Variants in EYA1 observed in about 807,000 individuals in gnomAD.
EYA1 encodes EYA transcriptional coactivator and phosphatase 1, also known as protein phosphatase EYA1.
A neutral mutation model predicts 82.0 loss-of-function variants in EYA1; 16 were observed. The ratio of observed to expected loss-of-function variants is 0.20; its 90% CI spans 0.13 to 0.30. The LOEUF (loss-of-function observed/expected upper bound fraction) is 0.30, where lower values mean the gene tolerates loss of function less well. Among genes scored for constraint, EYA1 ranks in the 10% least tolerant of loss-of-function variants. The pLI, the probability that EYA1 is intolerant of heterozygous loss-of-function variation, is 1.00. For missense variants in EYA1, 633 were observed against 730.7 expected (o/e 0.87, Z 1.54); for synonymous variants, 261 against 264.4 (o/e 0.99, Z 0.12).
chr8:71,423,241 A>G (rs764916408), intron 2 of EYA1, among the ~76,000 whole-genome samples: 3 of 152,194 alleles, frequency 2.0e-5, no homozygotes, highest in Non-Finnish European at 2.9e-5. Context: ...AACATTCTCA[A>G]AGATTGAATG....
intron 2 of EYA1, among the ~76,000 whole-genome samples, chr8:71,369,202 C>CA (rs368382614): frequency 0.075 from 4,204 of 56,388 alleles, 184 homozygotes; most frequent in African/African-American, 0.11. Flanking sequence ...GACTCCGTCT[C>CA]AAAAAAAAAA....
intron 2 of EYA1, among the ~76,000 whole-genome samples, chr8:71,474,456 T>C (rs1172993530): frequency 1.3e-5 from 2 of 152,290 alleles, no homozygotes; most frequent in East Asian, 3.9e-4. Flanking sequence ...TACTCAGCCA[T>C]CCCACAACAG....
chr8:71,419,131 G>T (rs1302754776), intron 2 of EYA1, among the ~76,000 whole-genome samples: 2 of 151,956 alleles, frequency 1.3e-5, no homozygotes, highest in African/African-American at 4.8e-5. Context: ...ATATTGGAGG[G>T]TTTGAGCAGA....
At chr8:71,252,396 T>G (rs963713394) in intron 11 of EYA1, among the ~76,000 whole-genome samples, 1 of 152,088 alleles carries the variant, frequency 6.6e-6, no homozygotes, top group Admixed American at 6.5e-5. Flanking sequence ...ACTCAATCTC[T>G]GCAGCACTAC....
intron 2 of EYA1, among the ~76,000 whole-genome samples, chr8:71,446,996 CA>C (rs2129175492): frequency 6.6e-6 from 1 of 151,724 alleles, no homozygotes; most frequent in Non-Finnish European, 1.5e-5. Flanking sequence ...ATATGTCCAG[CA>C]AAACTAAAAA....
intron 3 of EYA1, among the ~76,000 whole-genome samples, chr8:71,342,111 T>C (rs1416589991): frequency 6.6e-6 from 1 of 152,148 alleles, no homozygotes; most frequent in Non-Finnish European, 1.5e-5. Flanking sequence ...TCCATACTAA[T>C]GCTCATCTCT....
chr8:71,214,798 G>A (rs1808972477), intron 16 of EYA1, among the ~76,000 whole-genome samples: 1 of 152,126 alleles, frequency 6.6e-6, no homozygotes, highest in African/African-American at 2.4e-5. Context: ...TCATGTAACT[G>A]TCTGCTTCCC....
chr8:71,475,901 T>C lies in EYA1; in HGVS notation c.33+59843A>G, dbSNP rs189047547. 2.9e-3 allele frequency among the ~76,000 whole-genome samples: 439 copies of C among 152,336 alleles called. 1 individual carries two copies. Among genetic ancestry groups the C allele is most frequent in the Admixed American group, 6.1e-3 (93 of 15,298 alleles). On this transcript the variant is annotated intron_variant, in intron 2 of 18. Coordinates refer to the EYA1 transcript ENST00000643681. ...AACTAATAATTCTTGAAGACATTTT[T>C]AGTTATCACTAAATACACTCCTTAA...
chr8:71,398,096 G>T (rs1017680204), intron 2 of EYA1, among the ~76,000 whole-genome samples: 1 of 152,000 alleles, frequency 6.6e-6, no homozygotes, highest in Non-Finnish European at 1.5e-5. Flanking sequence ...ACTTATGCTT[G>T]TGCATGTGTC....
intron 9 of EYA1, among the ~76,000 whole-genome samples, chr8:71,291,938 T>C (rs1221375252): frequency 1.3e-5 from 2 of 152,128 alleles, no homozygotes; most frequent in African/African-American, 4.8e-5. Context: ...TTATGAGATA[T>C]TCTAAGAGAT....
At chr8:71,450,733 C>A (rs920097392) in intron 2 of EYA1, among the ~76,000 whole-genome samples, 2 of 152,006 alleles carry the variant, frequency 1.3e-5, no homozygotes, top group African/African-American at 2.4e-5. Flanking sequence ...AAAGCAGGTG[C>A]AATAAAATGA....
At chr8:71,517,602 A>G (rs1319169908) in intron 2 of EYA1, among the ~76,000 whole-genome samples, 1 of 151,572 alleles carries the variant, frequency 6.6e-6, no homozygotes, top group Non-Finnish European at 1.5e-5. Context: ...TAAAGTGAAT[A>G]CATTTGCTTC....
chr8:71,350,637 T>C (rs1329456930), intron 3 of EYA1, among the ~76,000 whole-genome samples: 1 of 152,132 alleles, frequency 6.6e-6, no homozygotes, highest in Non-Finnish European at 1.5e-5. Context: ...ATCTATCAGT[T>C]TCAAGACAAG....
Position 71,362,031 on chromosome 8 carries a change from T to C in EYA1, c.-439A>G, listed in dbSNP as rs1171656203. On this transcript the variant is annotated 5_prime_UTR_variant, in exon 1 of 18. Transcript: ENST00000340726. ...TTGGTAACAGCTTTGCGCCCAGCGC[T>C]CCTTCCCCACCAAACAGCAGCGGCA... The C allele has an allele frequency of 1.0e-5, 10 of 985,284 alleles. No homozygotes were observed. Among genetic ancestry groups the C allele is most frequent in the Non-Finnish European group, 1.1e-5 (9 of 830,000 alleles). The allele number at this position is 985,284 out of a possible 1,614,324, so 61.0% of individuals were successfully genotyped here.
chr8:71,450,237 T>C (rs1164547801), intron 2 of EYA1, among the ~76,000 whole-genome samples: 2 of 152,216 alleles, frequency 1.3e-5, no homozygotes, highest in Non-Finnish European at 2.9e-5. Flanking sequence ...TTTTGGCCTG[T>C]CTTAGTTTTC....
intron 11 of EYA1, among the ~76,000 whole-genome samples, chr8:71,245,127 T>C (rs573506972): frequency 6.6e-6 from 1 of 152,334 alleles, no homozygotes; most frequent in South Asian, 2.1e-4. Flanking sequence ...TATAGCAAGC[T>C]TGCCCAACCT....
chr8:71,352,298 A>G (rs1266978050), intron 3 of EYA1, among the ~76,000 whole-genome samples: 1 of 152,186 alleles, frequency 6.6e-6, no homozygotes, highest in Non-Finnish European at 1.5e-5. Context: ...ATATTATGAG[A>G]CATATAAGTA....
intron 17 of EYA1, among the ~76,000 whole-genome samples, chr8:71,207,555 G>A (rs1400332648): frequency 6.6e-6 from 1 of 152,104 alleles, no homozygotes; most frequent in African/African-American, 2.4e-5. Context: ...AGTCATCCAT[G>A]AAATAAAAAT....
intron 2 of EYA1, among the ~76,000 whole-genome samples, chr8:71,493,772 C>G (rs1811191754): frequency 6.6e-6 from 1 of 150,878 alleles, no homozygotes; most frequent in Non-Finnish European, 1.5e-5. Context: ...GCCTGTAATC[C>G]CAGCACTTTG....
Sources: gnomAD v4.1 joint callset for allele counts (sites outside exome capture counted in the v4.1 genomes callset) on GRCh38, gnomAD v4.1.1 for gene constraint, MANE v1.5 for transcripts, NCBI Gene and HGNC (gene_info 2026-07-23, HGNC 2026-07-21) for gene names.